STXBP5L: variants seen among roughly 807,000 people sequenced by gnomAD.
STXBP5L encodes syntaxin binding protein 5L.
STXBP5L carries 65 observed loss-of-function variants against 144.5 expected under a neutral mutation model. The ratio of observed to expected loss-of-function variants is 0.45; its 90% CI spans 0.37 to 0.55. The LOEUF (loss-of-function observed/expected upper bound fraction) is 0.55, where lower values mean the gene tolerates loss of function less well. Ranked by LOEUF, STXBP5L falls within the 20% of genes least tolerant of loss-of-function variation. The pLI is 0.00. For synonymous variants in STXBP5L, 505 were observed against 469.6 expected (o/e 1.08, Z -0.97); for missense variants, 1,298 against 1,405.5 (o/e 0.92, Z 1.22).
chr3:120,979,934 T>C (rs1268515404), intron 3 of STXBP5L, among the ~76,000 whole-genome samples: 1 of 152,224 alleles, frequency 6.6e-6, no homozygotes, highest in African/African-American at 2.4e-5. Context: ...CTGTTTTCAT[T>C]TGTTTCAAAA....
intron 20 of STXBP5L, among the ~76,000 whole-genome samples, chr3:121,320,902 T>G (rs1222565051): frequency 6.6e-6 from 1 of 152,106 alleles, no homozygotes; most frequent in Non-Finnish European, 1.5e-5. Flanking sequence ...GGTTTCACTG[T>G]GTTAGCCAGG....
At chr3:121,041,591 A>G (rs1947159106) in intron 3 of STXBP5L, 109 bp from the exon 4 acceptor site, 1 of 781,148 alleles carries the variant, frequency 1.3e-6, no homozygotes, top group Non-Finnish European at 2.1e-6. Context: ...ATTTATAAAA[A>G]TAAGGGAAAC....
chr3:121,137,160 T>A (rs574365267), intron 7 of STXBP5L, among the ~76,000 whole-genome samples: 1 of 152,126 alleles, frequency 6.6e-6, no homozygotes, highest in Non-Finnish European at 1.5e-5. Context: ...AAACTATTTG[T>A]ACACCAAACC....
chr3:121,201,779 G>C (rs1324343006), intron 9 of STXBP5L, among the ~76,000 whole-genome samples: 1 of 152,034 alleles, frequency 6.6e-6, no homozygotes, highest in South Asian at 2.1e-4. Flanking sequence ...ATTAAGCTTA[G>C]CTTGGCTGGA....
At chr3:121,314,295 C>T (rs1483314691) in intron 19 of STXBP5L, among the ~76,000 whole-genome samples, 5 of 143,836 alleles carry the variant, frequency 3.5e-5, no homozygotes, top group Non-Finnish European at 7.6e-5. Flanking sequence ...GCACTCCAGC[C>T]TGGACACCAT....
intron 11 of STXBP5L, among the ~76,000 whole-genome samples, chr3:121,225,724 T>A (rs2049102395): frequency 6.6e-6 from 1 of 152,236 alleles, no homozygotes; most frequent in African/African-American, 2.4e-5. Flanking sequence ...CACAAATCTT[T>A]GCCAATTGGG....
At chr3:121,104,653 A>T (rs1481821607) in intron 5 of STXBP5L, among the ~76,000 whole-genome samples, 1 of 152,170 alleles carries the variant, frequency 6.6e-6, no homozygotes, top group Non-Finnish European at 1.5e-5. Flanking sequence ...GGGAAAGAAC[A>T]CCCAATTCAA....
chr3:121,387,257 G>A (rs183212241), intron 22 of STXBP5L, among the ~76,000 whole-genome samples: 1 of 151,940 alleles, frequency 6.6e-6, no homozygotes, highest in Non-Finnish European at 1.5e-5. Context: ...GGGTTGCTTG[G>A]TTTTTTAGTG....
Position 121,069,176 on chromosome 3 carries a change from C to T in STXBP5L, c.470+23641C>T, listed in dbSNP as rs187573486. 8.1e-4 allele frequency among the ~76,000 whole-genome samples: 123 copies of T among 152,264 alleles called. 2 individuals carry two copies. The highest frequency in any genetic ancestry group is 6.6e-3 in the South Asian group (32 of 4,832). On this transcript the variant is annotated intron_variant, in intron 5 of 26. Coordinates refer to ENST00000471454, the MANE Select transcript of STXBP5L (RefSeq NM_001308330.2). ...TCATCCCTATCTCTCCTATTTCTAA[C>T]GCCTGGAATTCACTAATCTGCTCTC...
At chr3:121,347,675 C>A (rs2045059655) in intron 20 of STXBP5L, among the ~76,000 whole-genome samples, 2 of 150,876 alleles carry the variant, frequency 1.3e-5, no homozygotes, top group South Asian at 2.2e-4. Context: ...ATCCTTACAT[C>A]CCTTGTAAGT....
intron 3 of STXBP5L, among the ~76,000 whole-genome samples, chr3:121,036,772 ATTTTT>A (rs3863971): frequency 7.8e-4 from 95 of 122,184 alleles, no homozygotes; most frequent in African/African-American, 2.4e-3. Flanking sequence ...ACATTGATTG[ATTTTT>A]TTTTTTTTTT....
Position 121,419,224 on chromosome 3 carries a change from A to G in STXBP5L, c.*127A>G. On this transcript the variant is annotated 3_prime_UTR_variant, in exon 27 of 27. Coordinates refer to ENST00000471454, the MANE Select transcript of STXBP5L (RefSeq NM_001308330.2). ...AATGTTCCATTTACAGTCAATCTGA[A>G]ATTTTCATAAAAGAGATGTATCAGA... 2 of 957,468 alleles carry G rather than the reference A, an allele frequency of 2.1e-6. No homozygotes were observed. Among genetic ancestry groups the G allele is most frequent in the Non-Finnish European group, 3.0e-6 (2 of 657,790 alleles). 59.3% of individuals were successfully genotyped at this position (957,468 alleles called of 1,614,324 possible).
intron 19 of STXBP5L, among the ~76,000 whole-genome samples, chr3:121,293,891 G>T (rs1231338818): frequency 1.3e-5 from 2 of 152,106 alleles, no homozygotes; most frequent in Admixed American, 6.6e-5. Context: ...AAAATAGAAG[G>T]TTCTAGGATG....
chr3:121,358,146 A>G (rs2045588871), intron 20 of STXBP5L, among the ~76,000 whole-genome samples: 1 of 152,130 alleles, frequency 6.6e-6, no homozygotes. Flanking sequence ...AAGTTGTTTT[A>G]AAAGATACAA....
intron 5 of STXBP5L, among the ~76,000 whole-genome samples, chr3:121,060,113 A>C (rs963542604): frequency 2.0e-5 from 3 of 152,128 alleles, no homozygotes; most frequent in African/African-American, 7.2e-5. Context: ...TGGGTTTGTC[A>C]TAAATAGCTC....
chr3:121,327,304 G>A (rs1010802372), intron 20 of STXBP5L, among the ~76,000 whole-genome samples: 4 of 152,106 alleles, frequency 2.6e-5, no homozygotes, highest in African/African-American at 9.7e-5. Flanking sequence ...TCTCACATAA[G>A]CTATGGTAAG....
intron 22 of STXBP5L, among the ~76,000 whole-genome samples, chr3:121,402,562 T>G (rs763533355): frequency 5.9e-5 from 9 of 152,202 alleles, no homozygotes; most frequent in Non-Finnish European, 1.0e-4. Flanking sequence ...TTGTTTGCTT[T>G]GTCATACTTA....
intron 3 of STXBP5L, among the ~76,000 whole-genome samples, chr3:120,990,098 A>T (rs1336030571): frequency 6.6e-6 from 1 of 152,196 alleles, no homozygotes; most frequent in Admixed American, 6.5e-5. Flanking sequence ...CTGATAGGCA[A>T]CTTCAGCAAA....
In STXBP5L at chr3:121,378,901, T is replaced by A. The variant is rs746961724; in HGVS notation, c.2347+15T>A. The A allele has an allele frequency of 1.9e-6, 3 of 1,599,374 alleles. No homozygotes were observed. The highest frequency in any genetic ancestry group is 2.6e-6 in the Non-Finnish European group (3 of 1,172,208). On this transcript the variant is annotated intron_variant, in intron 21 of 26. Transcript: ENST00000471454. ...TACAACAGAAGGTATGTTAAACATATTAAATTTTTTTGTTACAGTTAAAAT... is the reference window on the plus strand; with the variant it reads ...TACAACAGAAGGTATGTTAAACATAATAAATTTTTTTGTTACAGTTAAAAT...
Sources: gnomAD v4.1 joint callset for allele counts (sites outside exome capture counted in the v4.1 genomes callset) on GRCh38, gnomAD v4.1.1 for gene constraint, MANE v1.5 for transcripts, NCBI Gene and HGNC (gene_info 2026-07-23, HGNC 2026-07-21) for gene names.